METTL2A: variants seen among roughly 807,000 people sequenced by gnomAD.
The protein encoded by METTL2A is tRNA N(3)-cytidine methyltransferase METTL2A.
Under a neutral mutation model 49.4 loss-of-function variants are expected in METTL2A, and 45 were observed. The observed-to-expected ratio is 0.91, with a 90% CI of 0.72 to 1.17. METTL2A has a LOEUF of 1.17. Ranked by LOEUF, METTL2A falls within the 50% of genes most tolerant of loss-of-function variation. The pLI, the probability that METTL2A is intolerant of heterozygous loss-of-function variation, is 0.00. For missense variants in METTL2A, 361 were observed against 462.2 expected (o/e 0.78, Z 2.01); for synonymous variants, 118 against 167.5 (o/e 0.70, Z 2.28).
rs1349852510 is a variant in METTL2A at position 62,444,894 on chromosome 17, T to C, written c.867T>C (p.Leu289=). Reference sequence around the variant, plus strand: ...TTCTGAAACCTGGCGGGATGATGCTTCTGCGAGATTACGGCCGCTATGACA... The same window carrying C: ...TTCTGAAACCTGGCGGGATGATGCTCCTGCGAGATTACGGCCGCTATGACA... ...SRLLKPGGMM[L]LRDYGRYDMA... The change falls in exon 7 of 9, where the codon CTT becomes CTC. Residue 289 remains leucine (L), a synonymous_variant. Transcript: ENST00000311506. 1 of 1,613,864 alleles carries C rather than the reference T, an allele frequency of 6.2e-7. No homozygotes were observed. Among genetic ancestry groups the C allele is most frequent in the Non-Finnish European group, 8.5e-7 (1 of 1,179,956 alleles).
At position 62,446,121 on chromosome 17, in the gene METTL2A, G is replaced by A. The variant is rs890679832; in HGVS notation, c.916+1178G>A. On this transcript the variant is annotated intron_variant, in intron 7 of 8. Transcript: ENST00000311506. Reference sequence around the variant, plus strand: ...TGCTGGCCAATTCAAAGAAAGAGGTGCATTCCTTCATTACTGGTAGAAAAA... The same window carrying A: ...TGCTGGCCAATTCAAAGAAAGAGGTACATTCCTTCATTACTGGTAGAAAAA... Among the ~76,000 whole-genome samples the A allele has an allele frequency of 4.1e-4, 63 of 152,308 alleles. 1 individual carries two copies. The highest frequency in any genetic ancestry group is 1.4e-3 in the African/African-American group (58 of 41,576).
chr17:62,441,658 G>A (rs2070739446), intron 6 of METTL2A, among the ~76,000 whole-genome samples: 1 of 151,366 alleles, frequency 6.6e-6, no homozygotes, highest in African/African-American at 2.4e-5. Context: ...TGTTGGCCAG[G>A]CTGGTCTTAA....
At chr17:62,448,470 A>C (rs2070783113) in intron 8 of METTL2A, 105 bp from the exon 9 acceptor site, 12 of 1,513,896 alleles carry the variant, frequency 7.9e-6, no homozygotes, top group Non-Finnish European at 1.1e-5. Flanking sequence ...CATGTAAAAA[A>C]CATGACAGCA....
intron 5 of METTL2A, among the ~76,000 whole-genome samples, chr17:62,437,453 C>T (rs558927344): frequency 4.6e-5 from 7 of 152,156 alleles, no homozygotes; most frequent in Admixed American, 2.0e-4. Flanking sequence ...TAATTTTGCA[C>T]GCGGCCCCAA....
rs190656041 is a variant in METTL2A at position 62,437,734 on chromosome 17, G to A, written c.669+2442G>A. On this transcript the variant is annotated intron_variant, in intron 5 of 8. Coordinates refer to ENST00000311506, the MANE Select transcript of METTL2A (RefSeq NM_181725.4). ...CACACCTGTCATCCCAGCACTTTGG[G>A]AGGCCAAGGCCAGCGGATCACGAGG... 4.6e-5 allele frequency among the ~76,000 whole-genome samples: 7 copies of A among 152,282 alleles called. No homozygotes were observed. The East Asian group carries it at 1.3e-3, about 29-fold the overall frequency.
intron 2 of METTL2A, among the ~76,000 whole-genome samples, chr17:62,424,804 C>T (rs2070612282): frequency 6.6e-6 from 1 of 151,694 alleles, no homozygotes; most frequent in Non-Finnish European, 1.5e-5. Flanking sequence ...AAGGTGGATG[C>T]AGCAGAGTGG....
Position 62,449,121 on chromosome 17 carries a change from G to A in METTL2A, c.*392G>A. ...TCTTAGCATTTTGTAACTAATAACT[G>A]AAATTTTATTCAAAGGAATTGTAAA... On this transcript the variant is annotated 3_prime_UTR_variant, in exon 9 of 9. Coordinates refer to ENST00000311506, the MANE Select transcript of METTL2A (RefSeq NM_181725.4). 4.3e-6 allele frequency: 1 copy of A among 230,522 alleles called. No individual in the cohort carries two copies. 14.3% of individuals were successfully genotyped at this position (230,522 alleles called of 1,614,324 possible).
At chr17:62,439,822 A>G (rs2070726557) in intron 5 of METTL2A, among the ~76,000 whole-genome samples, 1 of 151,918 alleles carries the variant, frequency 6.6e-6, no homozygotes, top group African/African-American at 2.4e-5. Context: ...CTTAGATCTG[A>G]CTTCATGCAT....
chr17:62,437,292 G>C (rs1323092220), intron 5 of METTL2A, among the ~76,000 whole-genome samples: 2 of 151,936 alleles, frequency 1.3e-5, no homozygotes, highest in Admixed American at 1.3e-4. Flanking sequence ...TAACAGAAAC[G>C]TCTAGACAAA....
chr17:62,426,360 G>A lies in METTL2A; in HGVS notation c.264G>A (p.Gly88=), dbSNP rs2070626330. The A allele has an allele frequency of 8.7e-6, 14 of 1,613,780 alleles. No homozygotes were observed. The East Asian group carries it at 2.7e-4, about 31-fold the overall frequency. The change falls in exon 3 of 9, where the codon GGG becomes GGA. Residue 88 remains glycine (G), a synonymous_variant. Transcript: ENST00000311506. Reference sequence around the variant, plus strand: ...ACTTCTACAAAATCCACGAAAATGGGTTTTTCAAGGATAGACATTGGCTTT... The same window carrying A: ...ACTTCTACAAAATCCACGAAAATGGATTTTTCAAGGATAGACATTGGCTTT... ...WNDFYKIHEN[G]FFKDRHWLFT...
rs776102027 is a variant in METTL2A at position 62,435,302 on chromosome 17, A to G, written c.669+10A>G. 4.3e-6 allele frequency: 7 copies of G among 1,613,952 alleles called. No homozygotes were observed. The South Asian group carries it at 7.7e-5, about 18-fold the overall frequency. ...TATAGAACTGGTCCAGGTGAGTACAATGGGAAATTACCTATTGGTAATTTC... is the reference window on the plus strand; with the variant it reads ...TATAGAACTGGTCCAGGTGAGTACAGTGGGAAATTACCTATTGGTAATTTC... On this transcript the variant is annotated intron_variant, in intron 5 of 8. Coordinates refer to ENST00000311506, the MANE Select transcript of METTL2A (RefSeq NM_181725.4).
intron 5 of METTL2A, among the ~76,000 whole-genome samples, chr17:62,437,747 G>A (rs1198904341): frequency 6.6e-6 from 1 of 152,172 alleles, no homozygotes; most frequent in Admixed American, 6.5e-5. Context: ...GCCAAGGCCA[G>A]CGGATCACGA....
At chr17:62,438,741 A>G (rs1175434905) in intron 5 of METTL2A, among the ~76,000 whole-genome samples, 1 of 152,106 alleles carries the variant, frequency 6.6e-6, no homozygotes, top group East Asian at 1.9e-4. Context: ...AATTTTCTAC[A>G]TCTACAGAAA....
rs751171160 is a variant in METTL2A at position 62,448,653 on chromosome 17, G to A, written c.1061G>A (p.Arg354Gln). The change falls in exon 9 of 9, where the codon CGA becomes CAA. Residue 354 changes from arginine (R) to glutamine (Q), a missense_variant. This residue lies in a region of METTL2A where 183 missense variants were observed against 216.5 expected (regional missense o/e 0.85). Transcript: ENST00000311506. Reference protein sequence around the residue: ...NLVDRRLQVNRGKQLTMYRVW... With the variant: ...NLVDRRLQVNQGKQLTMYRVW... ...GTGGATCGCCGACTGCAGGTGAACC[G>A]AGGAAAGCAACTGACAATGTACCGG... is the stretch of plus-strand genomic sequence containing the variant. The A allele has an allele frequency of 6.8e-5, 109 of 1,614,178 alleles. 3 individuals carry two copies. In the South Asian group the frequency reaches 9.2e-4, roughly 14 times the overall value.
Position 62,423,934 on chromosome 17 carries a change from C to T in METTL2A, c.32C>T (p.Ala11Val). 1.2e-6 allele frequency: 2 copies of T among 1,613,568 alleles called. No homozygotes were observed. The highest frequency in any genetic ancestry group is 4.5e-5 in the East Asian group (2 of 44,854). ...GGCTCCTACCCTGAAGGTGCACCTG[C>T]AGTCCTCGCCGATAAGAGGCAGCAG... Reference protein sequence around the residue: MAGSYPEGAPAVLADKRQQFG... With the variant: MAGSYPEGAPVVLADKRQQFG... The change falls in exon 1 of 9, where the codon GCA becomes GTA. Residue 11 changes from alanine (A) to valine (V), a missense_variant. Physicochemically the swap from Ala to Val is moderately conservative, Grantham distance 64. This residue lies in a region of METTL2A where 150 missense variants were observed against 170.1 expected (regional missense o/e 0.88). Transcript: ENST00000311506.
intron 4 of METTL2A, among the ~76,000 whole-genome samples, chr17:62,432,641 T>C (rs1187150169): frequency 3.3e-5 from 5 of 151,824 alleles, no homozygotes; most frequent in African/African-American, 9.7e-5. Context: ...CCACTCAAAA[T>C]ACAAAAAAAA....
chr17:62,437,978 A>G (rs1458069814), intron 5 of METTL2A, among the ~76,000 whole-genome samples: 1 of 151,398 alleles, frequency 6.6e-6, no homozygotes, highest in Non-Finnish European at 1.5e-5. Flanking sequence ...TCTCAAAAAA[A>G]AAAAAATGTG....
At chr17:62,428,525 C>T (rs1049392589) in intron 4 of METTL2A, among the ~76,000 whole-genome samples, 5 of 152,172 alleles carry the variant, frequency 3.3e-5, no homozygotes, top group Admixed American at 1.3e-4. Context: ...TCTGGCCCTC[C>T]GTGTTTCTGC....
At chr17:62,447,605 C>T in intron 7 of METTL2A, 96 bp from the exon 8 acceptor site, 2 of 1,369,790 alleles carry the variant, frequency 1.5e-6, no homozygotes, top group Non-Finnish European at 2.1e-6. Context: ...GAGTGCTCTC[C>T]ACCCAACAAA....
Sources: gnomAD v4.1 joint callset for allele counts (sites outside exome capture counted in the v4.1 genomes callset) on GRCh38, gnomAD v4.1.1 for gene constraint, gnomAD v4.1.1 regional missense constraint, MANE v1.5 for transcripts, NCBI Gene and HGNC (gene_info 2026-07-23, HGNC 2026-07-21) for gene names.